The following TTC8 variants were observed in gnomAD, a reference collection of about 807,000 sequenced individuals.
TTC8 encodes tetratricopeptide repeat protein 8.
Under a neutral mutation model 72.5 loss-of-function variants are expected in TTC8, and 47 were observed. The ratio of observed to expected loss-of-function variants is 0.65; its 90% CI spans 0.51 to 0.83. TTC8 has a LOEUF of 0.83. Ranked by LOEUF, TTC8 falls within the 40% of genes least tolerant of loss-of-function variation. The probability of loss-of-function intolerance (pLI) is 0.00; values close to 1 mark genes in which losing one functional copy is unlikely to be tolerated. For missense variants in TTC8, 611 were observed against 623.2 expected, an observed-to-expected ratio of 0.98 and a Z score of 0.21; for synonymous variants, 199 against 221.4, an observed-to-expected ratio of 0.90 and a Z score of 0.90.
chr14:88,861,528 T>C (rs2094885880), intron 10 of TTC8, among the ~76,000 whole-genome samples, 196 bp downstream of exon 10: 1 of 152,186 alleles, frequency 6.6e-6, no homozygotes, highest in African/African-American at 2.4e-5. Flanking sequence ...TTTTGAAATA[T>C]ACAATAAATT....
intron 8 of TTC8, among the ~76,000 whole-genome samples, chr14:88,856,330 A>G (rs1321759158): frequency 6.6e-6 from 1 of 152,180 alleles, no homozygotes; most frequent in Non-Finnish European, 1.5e-5. Flanking sequence ...GTTATGAAAA[A>G]TGATCAAAGG....
intron 13 of TTC8, among the ~76,000 whole-genome samples, chr14:88,872,740 A>G (rs879763037): frequency 6.6e-6 from 1 of 152,200 alleles, no homozygotes; most frequent in Non-Finnish European, 1.5e-5. Flanking sequence ...TGTCTACTAC[A>G]TAACTGCTCA....
chr14:88,874,946 T>C (rs2094950445), intron 13 of TTC8, 80 bp from the exon 14 acceptor site: 1 of 1,108,774 alleles, frequency 9.0e-7, no homozygotes, highest in East Asian at 2.4e-5. Flanking sequence ...AGAATTCTTT[T>C]ACCAAAAAAA....
chr14:88,867,040 G>A (rs747076090), intron 10 of TTC8, among the ~76,000 whole-genome samples: 1 of 152,172 alleles, frequency 6.6e-6, no homozygotes, highest in Non-Finnish European at 1.5e-5. Flanking sequence ...AATCAGATCA[G>A]CAAAGATGAA....
intron 2 of TTC8, among the ~76,000 whole-genome samples, chr14:88,837,724 T>C (rs571721876): frequency 2.0e-5 from 3 of 152,256 alleles, no homozygotes; most frequent in South Asian, 2.1e-4. Context: ...GAAGTTAAAT[T>C]AGAACATTAG....
Position 88,872,358 on chromosome 14 carries a change from A to C in TTC8, c.1253A>C (p.Gln418Pro). The change falls in exon 13 of 15, where the codon CAG (glutamine) becomes CCG (proline). Residue 418 changes from glutamine (Q) to proline (P), a missense_variant. Transcript: ENST00000380656. The part of the protein sequence containing the change: ...VGIGDTNLAH[Q>P]CFRLALVNNN... The stretch of plus-strand genomic sequence containing the variant: ...ATAGGAGATACAAATTTGGCCCATC[A>C]GTGCTTCAGGCTGGCTCTGGTCAAC... The C allele has an allele frequency of 6.2e-7, 1 of 1,613,928 alleles. No homozygotes were observed. The highest frequency in any genetic ancestry group is 1.1e-5 in the South Asian group (1 of 91,068).
chr14:88,863,933 A>G (rs1249385195), intron 10 of TTC8, among the ~76,000 whole-genome samples: 1 of 152,210 alleles, frequency 6.6e-6, no homozygotes, highest in Non-Finnish European at 1.5e-5. Context: ...AGATGGTTTC[A>G]TCTCTTCCTT....
At chr14:88,879,858 GTA>G (rs2094968613), downstream of TTC8, 1 of 151,892 alleles carries the variant, frequency 6.6e-6, no homozygotes, top group African/African-American at 2.4e-5. Context: ...TGTATTTTTA[GTA>G]GAGACAGGGT....
At chr14:88,828,562 C>A (rs947906942) in intron 1 of TTC8, among the ~76,000 whole-genome samples, 9 of 152,172 alleles carry the variant, frequency 5.9e-5, no homozygotes, top group Non-Finnish European at 1.3e-4. Context: ...TAAAATATTT[C>A]TTCTTAGTGC....
At chr14:88,829,543 T>C (rs1007056079) in intron 1 of TTC8, among the ~76,000 whole-genome samples, 1 of 152,248 alleles carries the variant, frequency 6.6e-6, no homozygotes, top group African/African-American at 2.4e-5. Context: ...AGTGGGATTT[T>C]TAAAAGACAA....
chr14:88,862,586 A>ATG (rs1345555609), intron 10 of TTC8, among the ~76,000 whole-genome samples: 10 of 76,056 alleles, frequency 1.3e-4, no homozygotes, highest in African/African-American at 4.9e-4. Context: ...ATATATATAT[A>ATG]TATATATATA....
chr14:88,833,788 C>G (rs1319956673), intron 2 of TTC8, 66 bp downstream of exon 2: 3 of 1,489,208 alleles, frequency 2.0e-6, no homozygotes, highest in Non-Finnish European at 2.8e-6. Context: ...TTAGTTGTTG[C>G]TATAGATTAG....
rs1385604319 is a variant in TTC8, at chr14:88,839,488, A to G, written c.181A>G (p.Met61Val). Residue 61 changes from methionine (M) to valine (V), a missense_variant, in exon 3 of 15, where the codon ATG (methionine) becomes GTG (valine). Coordinates refer to ENST00000380656, the MANE Select transcript of TTC8 (RefSeq NM_144596.4). The stretch of plus-strand genomic sequence containing the variant: ...CTTAAAAGCAAGAGCGCTAACAGAA[A>G]TGGTATACATAGATGAAATTGATGT... Reference protein sequence around the residue: ...WILKARALTEMVYIDEIDVDQ... With the variant: ...WILKARALTEVVYIDEIDVDQ... 5 of 1,613,278 alleles carry G rather than the reference A, an allele frequency of 3.1e-6. No individual in the cohort carries two copies. In the East Asian group the frequency reaches 6.7e-5, roughly 22 times the overall value.
intron 7 of TTC8, among the ~76,000 whole-genome samples, chr14:88,848,702 A>G (rs1341027140): frequency 6.6e-6 from 1 of 152,208 alleles, no homozygotes; most frequent in Non-Finnish European, 1.5e-5. Context: ...AAAGTATACC[A>G]TTTAGTATGT....
intron 1 of TTC8, among the ~76,000 whole-genome samples, chr14:88,832,908 C>G (rs1488029304): frequency 6.6e-6 from 1 of 152,166 alleles, no homozygotes; most frequent in Non-Finnish European, 1.5e-5. Context: ...TCCTTTGGGG[C>G]CCTCATTTTC....
chr14:88,871,871 G>A lies in TTC8; in HGVS notation c.1224+148G>A, dbSNP rs2094935805. ...GTTTGAGACCACCCTGGGCAACATA[G>A]TGGGACTCTGTCTCTACAAAAAATT... is the stretch of plus-strand genomic sequence containing the variant. On this transcript the variant is annotated intron_variant, in intron 12 of 14. Coordinates refer to ENST00000380656, the MANE Select transcript of TTC8 (RefSeq NM_144596.4). The surrounding 1 kb of genome is among the most constrained non-coding windows in gnomAD (Gnocchi z 4.1). 3.5e-6 allele frequency: 3 copies of A among 863,158 alleles called. No homozygotes were observed. The African/African-American group carries it at 5.0e-5, about 15-fold the overall frequency. 53.5% of individuals were successfully genotyped at this position (863,158 alleles called of 1,614,324 possible).
chr14:88,846,352 A>G (rs1465263718), intron 7 of TTC8, among the ~76,000 whole-genome samples: 1 of 152,054 alleles, frequency 6.6e-6, no homozygotes, highest in Non-Finnish European at 1.5e-5. Context: ...AAAAGAAAAC[A>G]TTCTAACAGA....
chr14:88,853,376 A>G (rs2094842371), intron 8 of TTC8, among the ~76,000 whole-genome samples: 1 of 152,178 alleles, frequency 6.6e-6, no homozygotes, highest in Admixed American at 6.6e-5. Flanking sequence ...GACTAGAACC[A>G]AGTCTGCTGA....
At chr14:88,853,106 G>A (rs368883594) in intron 8 of TTC8, 50 bp downstream of exon 8, 94 of 1,382,280 alleles carry the variant, frequency 6.8e-5, no homozygotes, top group Non-Finnish European at 9.4e-5. Context: ...GTATTTTAGG[G>A]TCTCAAATCT....
Sources: allele counts gnomAD v4.1 joint callset (sites outside exome capture counted in the v4.1 genomes callset), GRCh38; gene constraint gnomAD v4.1.1; non-coding constraint Gnocchi (gnomAD v3.1); transcripts MANE v1.5; gene names NCBI Gene and HGNC (gene_info 2026-07-23, HGNC 2026-07-21).